The following PHACTR1 variants were observed in gnomAD, a reference collection of about 807,000 sequenced individuals.
The protein encoded by PHACTR1 is phosphatase and actin regulator 1, also known as RPEL repeat containing 1.
In PHACTR1, 16 loss-of-function variants were observed where a neutral mutation model predicts 69.2. The ratio of observed to expected loss-of-function variants is 0.23; its 90% confidence interval spans 0.16 to 0.35. The LOEUF is 0.35. Among genes scored for constraint, PHACTR1 ranks in the 10% least tolerant of loss-of-function variants. The probability of loss-of-function intolerance (pLI) is 1.00; values close to 1 mark genes in which losing one functional copy is unlikely to be tolerated. For missense variants in PHACTR1, 510 were observed against 734.7 expected (o/e 0.69, Z 3.54); for synonymous variants, 312 against 284.5 (o/e 1.10, Z -0.97).
intron 5 of PHACTR1, among the ~76,000 whole-genome samples, chr6:13,107,085 C>T (rs1473878914): frequency 7.0e-6 from 1 of 141,992 alleles, no homozygotes; most frequent in Non-Finnish European, 1.6e-5. Context: ...GAGATGTTTC[C>T]TTCTCTCTCT....
intron 4 of PHACTR1, among the ~76,000 whole-genome samples, chr6:12,954,719 T>C (rs1791674738): frequency 6.6e-6 from 1 of 152,238 alleles, no homozygotes; most frequent in Non-Finnish European, 1.5e-5. Context: ...TTTAATACTA[T>C]TTCAATTCCA....
intron 10 of PHACTR1, among the ~76,000 whole-genome samples, chr6:13,265,473 A>G (rs1046777829): frequency 6.6e-6 from 1 of 152,150 alleles, no homozygotes; most frequent in African/African-American, 2.4e-5. Context: ...AAAATAGAGG[A>G]TTGTCATAAA....
intron 10 of PHACTR1, among the ~76,000 whole-genome samples, chr6:13,254,746 C>G (rs1255253076): frequency 6.6e-6 from 1 of 152,190 alleles, no homozygotes; most frequent in Non-Finnish European, 1.5e-5. Context: ...CTTTACCAAC[C>G]AACCAGAGTT....
chr6:12,981,461 A>G (rs1322054866), intron 4 of PHACTR1, among the ~76,000 whole-genome samples: 2 of 152,226 alleles, frequency 1.3e-5, no homozygotes, highest in African/African-American at 4.8e-5. Context: ...TCTTTCTCCT[A>G]TTAGAATGTG....
chr6:12,822,866 GA>G (rs1292140240), intron 4 of PHACTR1, among the ~76,000 whole-genome samples: 2 of 152,178 alleles, frequency 1.3e-5, no homozygotes, highest in African/African-American at 4.8e-5. Context: ...AGGCCACAGA[GA>G]AAGTTTGCAA....
intron 5 of PHACTR1, among the ~76,000 whole-genome samples, chr6:13,059,792 A>T (rs560534433): frequency 9.2e-5 from 14 of 152,240 alleles, no homozygotes; most frequent in African/African-American, 3.1e-4. Context: ...AGGTGTGTAG[A>T]TATGTGTTTG....
intron 10 of PHACTR1, among the ~76,000 whole-genome samples, chr6:13,260,874 A>T (rs897993694): frequency 6.6e-5 from 10 of 152,252 alleles, no homozygotes; most frequent in African/African-American, 2.4e-4. Flanking sequence ...CAATTGAATC[A>T]TCGATGACCT....
intron 5 of PHACTR1, among the ~76,000 whole-genome samples, chr6:13,070,295 A>C (rs905517300): frequency 2.0e-5 from 3 of 152,184 alleles, no homozygotes; most frequent in African/African-American, 7.2e-5. Flanking sequence ...TTATTCACTA[A>C]AAACTTAATA....
intron 4 of PHACTR1, among the ~76,000 whole-genome samples, chr6:12,805,270 T>C (rs1466254688): frequency 1.3e-5 from 2 of 152,248 alleles, no homozygotes; most frequent in Admixed American, 6.5e-5. Flanking sequence ...CCAAACTCTT[T>C]AACTTCTCCT....
intron 4 of PHACTR1, among the ~76,000 whole-genome samples, chr6:12,916,598 GTA>G (rs1365509522): frequency 1.4e-5 from 2 of 146,650 alleles, no homozygotes; most frequent in East Asian, 4.0e-4. Context: ...TAGGCATTCT[GTA>G]TATGTCTGTT....
chr6:12,896,749 G>A (rs983698587), intron 4 of PHACTR1, among the ~76,000 whole-genome samples: 3 of 152,142 alleles, frequency 2.0e-5, no homozygotes, highest in East Asian at 1.9e-4. Flanking sequence ...GTGAATTGAC[G>A]GTTCGTTATA....
intron 2 of PHACTR1, chr6:12,718,190 G>T (rs1761634773): frequency 6.6e-6 from 1 of 152,172 alleles, no homozygotes; most frequent in South Asian, 2.1e-4. Context: ...GGAAAGGAAG[G>T]AATTCAAAGC....
chr6:13,160,318 A>C, intron 6 of PHACTR1, 34 bp downstream of exon 6: 1 of 1,572,106 alleles, frequency 6.4e-7, no homozygotes, highest in South Asian at 1.1e-5. Flanking sequence ...CCCGGGTCAA[A>C]GAGTCATGCG....
rs568075734 is a variant in PHACTR1 at position 12,744,650 on chromosome 6, ATAGAG to A, written c.104-4991_104-4987del. On this transcript the variant is annotated intron_variant, in intron 3 of 14. Transcript: ENST00000332995. ...CCAAGAAAGAATTTGAGGCAAATCC[ATAGAG>A]TAAAGTTAAAGCAAGTTTATTAAGA... 1.1e-4 allele frequency among the ~76,000 whole-genome samples: 17 copies of A among 152,298 alleles called. No homozygotes were observed. In the South Asian group the frequency reaches 1.5e-3, roughly 13 times the overall value.
At chr6:13,098,302 T>A (rs1814607443) in intron 5 of PHACTR1, among the ~76,000 whole-genome samples, 1 of 152,190 alleles carries the variant, frequency 6.6e-6, no homozygotes, top group African/African-American at 2.4e-5. Context: ...TTTAAGGCCC[T>A]CTTCTCTTGG....
chr6:12,891,737 A>G (rs1278564089), intron 4 of PHACTR1, among the ~76,000 whole-genome samples: 1 of 151,872 alleles, frequency 6.6e-6, no homozygotes, highest in Non-Finnish European at 1.5e-5. Context: ...CATTATGAAC[A>G]GCAAACCAGA....
chr6:13,103,929 C>T (rs1422312411), intron 5 of PHACTR1, among the ~76,000 whole-genome samples: 13 of 152,180 alleles, frequency 8.5e-5, no homozygotes, highest in Middle Eastern at 3.4e-3. Flanking sequence ...ACTAAAAATA[C>T]AAAAATTAGT....
At position 13,053,781 on chromosome 6, in the gene PHACTR1, T is replaced by C. The variant is rs1041449350; in HGVS notation, c.415+252T>C. The stretch of plus-strand genomic sequence containing the variant: ...CCACCCTTTTAATTTGATCTACGAA[T>C]AATCTGAATTTAGACCTCTGCCTTT... On this transcript the variant is annotated intron_variant, in intron 5 of 14. Coordinates refer to ENST00000332995, the MANE Select transcript of PHACTR1 (RefSeq NM_030948.6). Among the ~76,000 whole-genome samples, 3 of 152,220 alleles carry C rather than the reference T, an allele frequency of 2.0e-5. No homozygotes were observed. The East Asian group carries it at 5.8e-4, about 29-fold the overall frequency.
At chr6:13,088,860 C>G (rs1412768366) in intron 5 of PHACTR1, among the ~76,000 whole-genome samples, 1 of 152,138 alleles carries the variant, frequency 6.6e-6, no homozygotes, top group African/African-American at 2.4e-5. Flanking sequence ...CTCCTGGGCT[C>G]TCAAGATTAC....
Sources: gnomAD v4.1 joint callset for allele counts (sites outside exome capture counted in the v4.1 genomes callset) on GRCh38, gnomAD v4.1.1 for gene constraint, MANE v1.5 for transcripts, NCBI Gene and HGNC (gene_info 2026-07-23, HGNC 2026-07-21) for gene names.